Variants in DNAH11 observed in about 807,000 individuals in gnomAD.
The protein encoded by DNAH11 is dynein axonemal heavy chain 11.
In DNAH11, 442 loss-of-function variants were observed where a neutral mutation model predicts 526.0. The ratio of observed to expected loss-of-function variants is 0.84; its 90% CI spans 0.78 to 0.91. The LOEUF (loss-of-function observed/expected upper bound fraction) is 0.91, where lower values mean the gene tolerates loss of function less well. Among genes scored for constraint, DNAH11 ranks in the 40% least tolerant of loss-of-function variants. The probability of loss-of-function intolerance (pLI) is 0.00; values close to 1 mark genes in which losing one functional copy is unlikely to be tolerated. For synonymous variants in DNAH11, 2,461 were observed against 1,935.9 expected (o/e 1.27, Z -7.12); for missense variants, 6,989 against 5,448.7 (o/e 1.28, Z -8.90).
At chr7:21,586,945 G>A (rs1298077787) in intron 9 of DNAH11, among the ~76,000 whole-genome samples, 2 of 152,130 alleles carry the variant, frequency 1.3e-5, no homozygotes, top group African/African-American at 2.4e-5. Flanking sequence ...TCCCAGCTCC[G>A]CCACTAGCTG....
intron 43 of DNAH11, among the ~76,000 whole-genome samples, chr7:21,719,453 C>T (rs74810931): frequency 0.029 from 4,379 of 152,194 alleles, 164 homozygotes; most frequent in East Asian, 0.13. Flanking sequence ...AACACATGGC[C>T]GTATTCGTGT....
Position 21,830,154 on chromosome 7 carries a change from A to G in DNAH11, c.10691+11815A>G, listed in dbSNP as rs17145626. Among the ~76,000 whole-genome samples, 326 of 152,356 alleles carry G rather than the reference A, an allele frequency of 2.1e-3. 8 individuals carry two copies. In the East Asian group the frequency reaches 0.056, roughly 26 times the overall value. ...TGATACGTATTTGAAGACGGTTGTC[A>G]TTATTATAAAATAATTCATTTGGTT... On this transcript the variant is annotated intron_variant, in intron 65 of 81. Coordinates refer to ENST00000409508, the MANE Select transcript of DNAH11 (RefSeq NM_001277115.2).
In DNAH11 at chr7:21,615,021, A is replaced by G. The variant is rs563539163; in HGVS notation, c.3853-93A>G. The G allele has an allele frequency of 2.8e-5, 38 of 1,348,234 alleles. No individual in the cohort carries two copies. In the African/African-American group the frequency reaches 4.8e-4, roughly 17 times the overall value. 83.5% of individuals were successfully genotyped at this position (1,348,234 alleles called of 1,614,324 possible). A position where few individuals can be genotyped will look rare whatever the true frequency, so the allele number is the denominator to read the frequency against. Reference sequence around the variant, plus strand: ...ATTTTTATTTTCCCGTTAAAAATCAAAGATTGAAATGTCGAGATAACCAGA... The same window carrying G: ...ATTTTTATTTTCCCGTTAAAAATCAGAGATTGAAATGTCGAGATAACCAGA... On this transcript the variant is annotated intron_variant, in intron 20 of 81. Transcript: ENST00000409508.
At chr7:21,731,578 T>TA in intron 45 of DNAH11, among the ~76,000 whole-genome samples, 1 of 152,294 alleles carries the variant, frequency 6.6e-6, no homozygotes, top group African/African-American at 2.4e-5. Flanking sequence ...GTTGCATAAA[T>TA]TTACAAATAA....
chr7:21,681,287 C>T (rs986227625), intron 30 of DNAH11, among the ~76,000 whole-genome samples: 6 of 151,924 alleles, frequency 3.9e-5, no homozygotes, highest in African/African-American at 9.7e-5. Context: ...ATTAGCTGGG[C>T]GTGGTGGTGG....
intron 20 of DNAH11, among the ~76,000 whole-genome samples, chr7:21,614,317 C>T (rs1008522657): frequency 3.9e-5 from 6 of 152,124 alleles, no homozygotes; most frequent in Non-Finnish European, 2.9e-5. Context: ...AATGTCTAAA[C>T]GTGATCAATC....
At chr7:21,756,634 T>G (rs1239720735) in intron 54 of DNAH11, among the ~76,000 whole-genome samples, 1 of 152,146 alleles carries the variant, frequency 6.6e-6, no homozygotes, top group Non-Finnish European at 1.5e-5. Context: ...TCACCTACAC[T>G]GTTTTCCTTG....
chr7:21,862,002 C>T lies in DNAH11; in HGVS notation c.11352C>T (p.Phe3784=). The T allele has an allele frequency of 1.9e-6, 3 of 1,612,908 alleles. No homozygotes were observed. The highest frequency in any genetic ancestry group is 2.5e-6 in the Non-Finnish European group (3 of 1,179,428). Residue 3784 remains phenylalanine (F), a synonymous_variant, in exon 69 of 82, where the codon TTC becomes TTT. Coordinates refer to ENST00000409508, the MANE Select transcript of DNAH11 (RefSeq NM_001277115.2). ...TGTTTGAGAAGGACAAGCTCACCTT[C>T]CTGTCCCAGATGGCTTTTCAGGTAA... ...QALFEKDKLT[F]LSQMAFQILL...
intron 58 of DNAH11, among the ~76,000 whole-genome samples, chr7:21,785,552 T>C (rs1035960851): frequency 2.6e-5 from 4 of 152,178 alleles, no homozygotes; most frequent in Admixed American, 1.3e-4. Context: ...CAGAAAAAGA[T>C]TGGCAAAAAG....
chr7:21,836,220 C>T lies in DNAH11; in HGVS notation c.10692-6324C>T, dbSNP rs577958341. Among the ~76,000 whole-genome samples, 9 of 152,066 alleles carry T rather than the reference C, an allele frequency of 5.9e-5. No individual in the cohort carries two copies. In the South Asian group the frequency reaches 6.2e-4, roughly 11 times the overall value. On this transcript the variant is annotated intron_variant, in intron 65 of 81. Coordinates refer to ENST00000409508, the MANE Select transcript of DNAH11 (RefSeq NM_001277115.2). ...AATGTAATCCTTATGAAAATACCAA[C>T]GACATTCTTCACAGAAATAGATAAA...
At chr7:21,627,109 G>C (rs573447613) in intron 25 of DNAH11, among the ~76,000 whole-genome samples, 67 of 151,922 alleles carry the variant, frequency 4.4e-4, no homozygotes, top group Admixed American at 7.2e-4. Context: ...ATCAGATTGG[G>C]GTTTTGTTTT....
At chr7:21,802,948 A>T (rs941598204) in intron 62 of DNAH11, among the ~76,000 whole-genome samples, 15 of 146,150 alleles carry the variant, frequency 1.0e-4, no homozygotes, top group African/African-American at 2.4e-4. Context: ...ATATATATAT[A>T]ATATATATAT....
At chr7:21,726,864 A>G in intron 45 of DNAH11, among the ~76,000 whole-genome samples, 1 of 8,434 alleles carries the variant, frequency 1.2e-4, no homozygotes, top group Non-Finnish European at 2.6e-4. Flanking sequence ...CTGTCTCAAA[A>G]AAAAAAAAAA....
At chr7:21,633,017 A>T (rs563282576) in intron 25 of DNAH11, among the ~76,000 whole-genome samples, 2 of 152,334 alleles carry the variant, frequency 1.3e-5, no homozygotes, top group African/African-American at 4.8e-5. Flanking sequence ...GGTGAAAAGC[A>T]CGTCTCCCAA....
In DNAH11 at chr7:21,901,342, A is replaced by G. The variant is rs7971; in HGVS notation, c.*88A>G. 473,768 of 1,392,722 alleles carry G rather than the reference A, an allele frequency of 0.34. 82,162 individuals are homozygous for G. The highest frequency in any genetic ancestry group is 0.36 in the Non-Finnish European group (386,516 of 1,063,446). The allele number at this position is 1,392,722 out of a possible 1,614,324, so 86.3% of individuals were successfully genotyped here. On this transcript the variant is annotated 3_prime_UTR_variant, in exon 82 of 82. Coordinates refer to ENST00000409508, the MANE Select transcript of DNAH11 (RefSeq NM_001277115.2). ...GCACTGTTCCCATGCACATTATTCT[A>G]ACTTTTTAGTAACTCACACGTGCAT...
chr7:21,711,587 G>A, intron 41 of DNAH11, 125 bp from the exon 42 acceptor site: 6 of 1,335,770 alleles, frequency 4.5e-6, no homozygotes, highest in Non-Finnish European at 6.0e-6. Context: ...TATTCAGACT[G>A]CACTTCTGAT....
intron 41 of DNAH11, among the ~76,000 whole-genome samples, chr7:21,711,491 T>G (rs1784462024): frequency 1.3e-5 from 2 of 152,208 alleles, no homozygotes; most frequent in African/African-American, 4.8e-5. Context: ...ATTACTACAA[T>G]TATGTAAAGG....
Position 21,892,572 on chromosome 7 carries a change from A to G in DNAH11, c.12655A>G (p.Thr4219Ala). ...CCCAAATGCTGAAATAGAATTCCTG[A>G]CAGTGACATCCAACACTCTCTTCAG... The part of the protein sequence containing the change: ...LHPNAEIEFL[T>A]VTSNTLFRTL... Residue 4219 changes from threonine to alanine, a missense_variant, in exon 77 of 82, where the codon ACA (threonine) becomes GCA (alanine). Physicochemically the swap from Thr to Ala is moderately conservative, Grantham distance 58. Transcript: ENST00000409508. The G allele has an allele frequency of 6.2e-7, 1 of 1,613,982 alleles. No individual in the cohort carries two copies. The highest frequency in any genetic ancestry group is 1.1e-5 in the South Asian group (1 of 91,070).
At chr7:21,899,684 G>T (rs1355741987) in intron 80 of DNAH11, among the ~76,000 whole-genome samples, 1 of 152,180 alleles carries the variant, frequency 6.6e-6, no homozygotes, top group Non-Finnish European at 1.5e-5. Context: ...GGGGCACGGT[G>T]TGCTCTTATT....
Sources: allele counts gnomAD v4.1 joint callset (sites outside exome capture counted in the v4.1 genomes callset), GRCh38; gene constraint gnomAD v4.1.1; transcripts MANE v1.5; gene names NCBI Gene and HGNC (gene_info 2026-07-23, HGNC 2026-07-21).